Variants in CTNNA3 observed in about 807,000 individuals in gnomAD.
CTNNA3 encodes catenin alpha-3.
In CTNNA3, 76 loss-of-function variants were observed where a neutral mutation model predicts 95.7. The observed-to-expected ratio is 0.79, with a 90% CI of 0.66 to 0.96. The LOEUF (loss-of-function observed/expected upper bound fraction) is 0.96, where lower values mean the gene tolerates loss of function less well. CTNNA3 is among the 40% of genes least tolerant of loss of function. The pLI, the probability that CTNNA3 is intolerant of heterozygous loss-of-function variation, is 0.00. For synonymous variants in CTNNA3, 431 were observed against 374.4 expected (o/e 1.15, Z -1.74); for missense variants, 1,191 against 1,089.8 (o/e 1.09, Z -1.31).
At chr10:66,170,727 CA>C (rs34828048) in intron 13 of CTNNA3, among the ~76,000 whole-genome samples, 56,514 of 137,264 alleles carry the variant, frequency 0.41, 11,398 homozygotes, top group South Asian at 0.55. Flanking sequence ...AATGTTTACC[CA>C]AAAAAAAAAA....
At chr10:67,225,628 T>A (rs528437654) in intron 5 of CTNNA3, among the ~76,000 whole-genome samples, 33 of 152,066 alleles carry the variant, frequency 2.2e-4, no homozygotes, top group Middle Eastern at 3.4e-3. Context: ...GAGACAACAG[T>A]CATTGCAGTT....
chr10:66,904,702 G>T (rs1203469390), intron 7 of CTNNA3, among the ~76,000 whole-genome samples: 2 of 152,104 alleles, frequency 1.3e-5, no homozygotes, highest in East Asian at 3.9e-4. Flanking sequence ...CAAAAAGTGG[G>T]CAAAGGATAT....
chr10:66,488,920 G>A (rs1008684149), intron 11 of CTNNA3, among the ~76,000 whole-genome samples: 2 of 151,276 alleles, frequency 1.3e-5, no homozygotes, highest in African/African-American at 4.9e-5. Context: ...TTTTTTTTTG[G>A]TGTGTCAAAG....
chr10:67,751,017 G>A, intron 1 of CTNNA3: 2 of 1,558,438 alleles, frequency 1.3e-6, no homozygotes, highest in Non-Finnish European at 1.8e-6. Context: ...AAAAACCACA[G>A]CCCAGGTTCT....
intron 5 of CTNNA3, among the ~76,000 whole-genome samples, chr10:67,449,945 A>T (rs945214267): frequency 1.8e-4 from 28 of 152,186 alleles, no homozygotes; most frequent in African/African-American, 6.5e-4. Context: ...AAACAAATTT[A>T]CAAGAAAAAA....
intron 5 of CTNNA3, among the ~76,000 whole-genome samples, chr10:67,328,936 G>A (rs1841668611): frequency 1.3e-5 from 2 of 151,938 alleles, no homozygotes; most frequent in Admixed American, 1.3e-4. Context: ...CTTTTTCATT[G>A]TACCATAAAT....
At chr10:66,531,752 T>C (rs1841473470) in intron 10 of CTNNA3, among the ~76,000 whole-genome samples, 1 of 152,102 alleles carries the variant, frequency 6.6e-6, no homozygotes, top group Admixed American at 6.5e-5. Context: ...GGTTTTCCTG[T>C]AACATAAAAC....
chr10:66,270,669 C>T (rs1031639245), intron 13 of CTNNA3, among the ~76,000 whole-genome samples: 2 of 152,130 alleles, frequency 1.3e-5, no homozygotes, highest in Admixed American at 6.6e-5. Flanking sequence ...AGAGTAGCTG[C>T]GGTGGGAGAT....
At chr10:66,693,079 A>G (rs1847616489) in intron 9 of CTNNA3, among the ~76,000 whole-genome samples, 1 of 152,172 alleles carries the variant, frequency 6.6e-6, no homozygotes, top group Non-Finnish European at 1.5e-5. Flanking sequence ...ACCAGCTAAC[A>G]TCACAATGAT....
At chr10:66,758,494 CAA>C (rs1839466383) in intron 9 of CTNNA3, among the ~76,000 whole-genome samples, 1 of 152,162 alleles carries the variant, frequency 6.6e-6, no homozygotes, top group Admixed American at 6.5e-5. Flanking sequence ...ATGATTAAAA[CAA>C]AGTTTGGTTT....
intron 5 of CTNNA3, among the ~76,000 whole-genome samples, chr10:67,400,799 G>A (rs985761127): frequency 2.0e-5 from 3 of 152,110 alleles, no homozygotes; most frequent in Admixed American, 1.3e-4. Context: ...AATTTTATTG[G>A]ACTTTGCTTC....
chr10:67,084,452 A>AAT, intron 7 of CTNNA3, among the ~76,000 whole-genome samples: 1 of 151,908 alleles, frequency 6.6e-6, no homozygotes, highest in Admixed American at 6.6e-5. Flanking sequence ...CAAATATTAA[A>AAT]ATATATATTA....
chr10:66,636,520 C>T (rs151023799), intron 9 of CTNNA3, among the ~76,000 whole-genome samples: 1 of 152,146 alleles, frequency 6.6e-6, no homozygotes, highest in African/African-American at 2.4e-5. Flanking sequence ...AGCAAACCAA[C>T]ATATGAATTC....
intron 1 of CTNNA3, among the ~76,000 whole-genome samples, chr10:67,753,403 T>C (rs1841417547): frequency 6.6e-6 from 1 of 151,944 alleles, no homozygotes; most frequent in African/African-American, 2.4e-5. Context: ...ATTCAGGACA[T>C]AAACAAAGAT....
chr10:67,546,670 T>C (rs775711038), intron 3 of CTNNA3, among the ~76,000 whole-genome samples: 1 of 152,180 alleles, frequency 6.6e-6, no homozygotes, highest in African/African-American at 2.4e-5. Flanking sequence ...TTATTCTCTA[T>C]TGAATTTCTT....
At chr10:67,142,078 T>G (rs2132043240) in intron 7 of CTNNA3, among the ~76,000 whole-genome samples, 1 of 152,278 alleles carries the variant, frequency 6.6e-6, no homozygotes, top group South Asian at 2.1e-4. Flanking sequence ...AAGATTAATC[T>G]TCTTCAACAA....
chr10:67,040,249 G>C (rs1208770454), intron 7 of CTNNA3, among the ~76,000 whole-genome samples: 2 of 152,086 alleles, frequency 1.3e-5, no homozygotes, highest in African/African-American at 4.8e-5. Flanking sequence ...GTCTACATGT[G>C]ATCCTAAGGG....
intron 3 of CTNNA3, among the ~76,000 whole-genome samples, chr10:67,600,556 C>G (rs758096158): frequency 6.6e-6 from 1 of 152,104 alleles, no homozygotes; most frequent in Non-Finnish European, 1.5e-5. Context: ...ATTAAAAACA[C>G]TGACACTTGC....
chr10:66,505,619 G>T (rs1840423171), intron 11 of CTNNA3, among the ~76,000 whole-genome samples: 1 of 152,126 alleles, frequency 6.6e-6, no homozygotes, highest in Non-Finnish European at 1.5e-5. Flanking sequence ...TTCGGCTTGA[G>T]CTAGGATGCA....
Sources: allele counts gnomAD v4.1 joint callset (sites outside exome capture counted in the v4.1 genomes callset), GRCh38; gene constraint gnomAD v4.1.1; transcripts MANE v1.5; gene names NCBI Gene and HGNC (gene_info 2026-07-23, HGNC 2026-07-21).